The following SLX4 variants were observed in gnomAD, a reference collection of about 807,000 sequenced individuals.
SLX4 encodes the protein structure-specific endonuclease subunit SLX4.
SLX4 carries 112 observed loss-of-function variants against 146.2 expected under a neutral mutation model. The ratio of observed to expected loss-of-function variants is 0.77; its 90% confidence interval spans 0.66 to 0.90. SLX4 has a LOEUF of 0.90. Among genes scored for constraint, SLX4 ranks in the 40% least tolerant of loss-of-function variants. The pLI, the probability that SLX4 is intolerant of heterozygous loss-of-function variation, is 0.00. For missense variants in SLX4, 2,563 were observed against 2,392.7 expected (o/e 1.07, Z -1.49); for synonymous variants, 1,061 against 997.7 (o/e 1.06, Z -1.20).
intron 10 of SLX4, 94 bp from the exon 11 acceptor site, chr16:3,592,959 CTT>C: frequency 7.6e-7 from 1 of 1,310,822 alleles, no homozygotes; most frequent in South Asian, 1.5e-5. Flanking sequence ...AGTCACTAGT[CTT>C]TTTATTTTTC....
In SLX4 at chr16:3,596,208, C is replaced by CA; in HGVS notation, c.1868dup (p.Ser624GlufsTer57). On this transcript the variant is annotated frameshift_variant, in exon 8 of 15. Coordinates refer to ENST00000294008, the MANE Select transcript of SLX4 (RefSeq NM_032444.4). LOFTEE classifies it high-confidence loss of function. The stretch of plus-strand genomic sequence containing the variant: ...CACTGCCGGGCCACGGGCTGGCGCT[C>CA]AGTCCCTCCCTCGCCAGGTCCACGA... 6.4e-7 allele frequency: 1 copy of CA among 1,550,422 alleles called. No homozygotes were observed. The highest frequency in any genetic ancestry group is 2.4e-5 in the East Asian group (1 of 41,164).
intron 13 of SLX4, 52 bp from the exon 14 acceptor site, chr16:3,583,562 C>T (rs1399562299): frequency 3.1e-6 from 5 of 1,598,214 alleles, no homozygotes; most frequent in South Asian, 2.2e-5. Flanking sequence ...CTGGTCCACA[C>T]TCCACGTTCC....
At position 3,608,627 on chromosome 16, in the gene SLX4, G is replaced by C. The variant is rs2151139420; in HGVS notation, c.338C>G (p.Ser113Cys). Residue 113 changes from serine to cysteine, a missense_variant, in exon 2 of 15, where the codon TCT (serine) becomes TGT (cysteine). Ser to Cys is a moderately radical substitution (Grantham distance 112). Transcript: ENST00000294008. ...LQGPAEKKPP[S>C]GSQAPRTKKQ... Reference sequence around the variant, plus strand: ...TTTAGTCCTAGGGGCCTGGCTGCCAGACGGAGGTTTCTTCTCTGCAGGGCC... The same window carrying C: ...TTTAGTCCTAGGGGCCTGGCTGCCACACGGAGGTTTCTTCTCTGCAGGGCC... 1 of 1,614,202 alleles carries C rather than the reference G, an allele frequency of 6.2e-7. No individual in the cohort carries two copies. The highest frequency in any genetic ancestry group is 8.5e-7 in the Non-Finnish European group (1 of 1,180,032).
intron 9 of SLX4, among the ~76,000 whole-genome samples, 180 bp from the exon 10 acceptor site, chr16:3,594,779 T>C (rs1012722667): frequency 6.6e-6 from 1 of 152,176 alleles, no homozygotes; most frequent in Admixed American, 6.5e-5. Flanking sequence ...CCTAAGGCCC[T>C]GAGTAGCACA....
chr16:3,596,361 C>A lies in SLX4; in HGVS notation c.1716G>T (p.Val572=). Residue 572 remains valine (V), a synonymous_variant, in exon 8 of 15, where the codon GTG becomes GTT. Coordinates refer to ENST00000294008, the MANE Select transcript of SLX4 (RefSeq NM_032444.4). The stretch of plus-strand genomic sequence containing the variant: ...CGCTCAGCTCTGAGTGCTCAGGTGG[C>A]ACCAGAGGCGGCACGGGCTCCTGCA... The part of the protein sequence containing the change: ...GLMQEPVPPL[V]PPEHSELSER... 6.3e-7 allele frequency: 1 copy of A among 1,597,022 alleles called. No homozygotes were observed. Among genetic ancestry groups the A allele is most frequent in the Non-Finnish European group, 8.5e-7 (1 of 1,171,224 alleles).
At position 3,597,465 on chromosome 16, in the gene SLX4, C is replaced by T. The variant is rs200437227; in HGVS notation, c.1597G>A (p.Gly533Ser). 6.2e-7 allele frequency: 1 copy of T among 1,613,750 alleles called. No homozygotes were observed. The highest frequency in any genetic ancestry group is 8.5e-7 in the Non-Finnish European group (1 of 1,179,936). ...GCCCAGGCCCCAGTCAGTGCGCTGC[C>T]CTCCCACAGAAAGCTCTGCTTGCGT... is the stretch of plus-strand genomic sequence containing the variant. ...PERKQSFLWE[G>S]SALTGAWAME... is the part of the protein sequence containing the mutation. Residue 533 changes from glycine (G) to serine (S), a missense_variant, in exon 7 of 15, where the codon GGC (glycine) becomes AGC (serine). Transcript: ENST00000294008. This position sits in a 1 kb window ranked among gnomAD's most constrained non-coding sequence, Gnocchi z 4.4.
rs765119229 is a variant in SLX4 at position 3,590,512 on chromosome 16, G to A, written c.3126C>T (p.Gly1042=). The change falls in exon 12 of 15, where the codon GGC becomes GGT. Residue 1042 remains glycine, a synonymous_variant. Transcript: ENST00000294008. This position sits in a 1 kb window ranked among gnomAD's most constrained non-coding sequence, Gnocchi z 4.8. ...PCRFLLGPPQ[G]GSPRGSHHTS... ...TGTGATGAGACCCGCGGGGACTCCC[G>A]CCCTGGGGAGGCCCCAATAGGAAGC... 15 of 1,613,362 alleles carry A rather than the reference G, an allele frequency of 9.3e-6. No homozygotes were observed. The African/African-American group carries it at 1.6e-4, about 17-fold the overall frequency.
chr16:3,581,594 G>C lies in SLX4; in HGVS notation c.*748C>G, dbSNP rs1460723242. 6.5e-6 allele frequency: 1 copy of C among 152,956 alleles called. No homozygotes were observed. The highest frequency in any genetic ancestry group is 1.5e-5 in the Non-Finnish European group (1 of 68,374). 9.5% of individuals were successfully genotyped at this position (152,956 alleles called of 1,614,324 possible). A position where few individuals can be genotyped will look rare whatever the true frequency, so the allele number is the denominator to read the frequency against. On this transcript the variant is annotated 3_prime_UTR_variant, in exon 15 of 15. Transcript: ENST00000294008. ...CGGGCCCGGGCTGCCGGGGCAGGCT[G>C]GACCTGACGTCCATCTCAGGACAGA...
At chr16:3,582,810 C>G in intron 14 of SLX4, 117 bp from the exon 15 acceptor site, 1 of 1,005,168 alleles carries the variant, frequency 9.9e-7, no homozygotes, top group Non-Finnish European at 1.5e-6. Context: ...GCCTGTGGCA[C>G]GATCCCCAGC....
rs781308978 is a variant in SLX4, at chr16:3,582,351, C to T, written c.5496G>A (p.Glu1832=). The change falls in exon 15 of 15, where the codon GAG becomes GAA. Residue 1832 remains glutamate (E), a synonymous_variant. Transcript: ENST00000294008. ...RRQPRGKKKV[E]RN The stretch of plus-strand genomic sequence containing the variant: ...GGTCGGGATGGCCCCATCAGTTCCG[C>T]TCCACCTTCTTCTTGCCCCGAGGCT... 4 of 1,611,630 alleles carry T rather than the reference C, an allele frequency of 2.5e-6. No individual in the cohort carries two copies. The highest frequency in any genetic ancestry group is 2.7e-5 in the African/African-American group (2 of 74,900).
Position 3,597,738 on chromosome 16 carries a change from C to G in SLX4, c.1367-43G>C, listed in dbSNP as rs1194931471. ...CGACACCATCAACGGTGGAGTCGGTCCACTCACCCGGGACCTGCTGATGGC... is the reference window on the plus strand; with the variant it reads ...CGACACCATCAACGGTGGAGTCGGTGCACTCACCCGGGACCTGCTGATGGC... On this transcript the variant is annotated intron_variant, in intron 6 of 14. Transcript: ENST00000294008. This position sits in a 1 kb window ranked among gnomAD's most constrained non-coding sequence, Gnocchi z 4.4. 6.2e-7 allele frequency: 1 copy of G among 1,613,920 alleles called. No individual in the cohort carries two copies. Among genetic ancestry groups the G allele is most frequent in the African/African-American group, 1.3e-5 (1 of 74,918 alleles).
chr16:3,602,126 A>G lies in SLX4; in HGVS notation c.942T>C (p.His314=). 7.4e-6 allele frequency: 12 copies of G among 1,614,140 alleles called. No homozygotes were observed. Among genetic ancestry groups the G allele is most frequent in the South Asian group, 1.1e-5 (1 of 91,064 alleles). Residue 314 remains histidine (H), a synonymous_variant, in exon 4 of 15, where the codon CAT becomes CAC. Transcript: ENST00000294008. The part of the protein sequence containing the change: ...SAMNVTRREQ[H]VNRCLDEAEK... ...GCCCAAGCTGCCCCCACCTGTTCACATGCTGTTCCCTTCGGGTCACGTTCA... is the reference window on the plus strand; with the variant it reads ...GCCCAAGCTGCCCCCACCTGTTCACGTGCTGTTCCCTTCGGGTCACGTTCA...
At chr16:3,591,731 C>A (rs1466713104) in intron 11 of SLX4, among the ~76,000 whole-genome samples, 3 of 152,050 alleles carry the variant, frequency 2.0e-5, no homozygotes, top group African/African-American at 7.3e-5. Context: ...TGAGATCAGC[C>A]TGGACAACAT....
At chr16:3,610,317 G>C (rs948014562) in intron 1 of SLX4, among the ~76,000 whole-genome samples, 2 of 152,202 alleles carry the variant, frequency 1.3e-5, no homozygotes, top group Admixed American at 6.5e-5. Flanking sequence ...CCTTAGAGAA[G>C]TGTCCTCTAA....
At chr16:3,602,789 G>C (rs1422706154) in intron 3 of SLX4, among the ~76,000 whole-genome samples, 1 of 152,212 alleles carries the variant, frequency 6.6e-6, no homozygotes, top group African/African-American at 2.4e-5. Flanking sequence ...TACTGCCCAT[G>C]ATAAAACCAG....
Position 3,601,129 on chromosome 16 carries a change from A to G in SLX4, c.1013T>C (p.Ile338Thr). Residue 338 changes from isoleucine (I) to threonine (T), a missense_variant, in exon 5 of 15, where the codon ATT (isoleucine) becomes ACT (threonine). Coordinates refer to ENST00000294008, the MANE Select transcript of SLX4 (RefSeq NM_032444.4). ...TAAGGTAAGAAACGGTTTCCCACAA[A>G]TCGGGCACTCAGGGATCTGAGGCAC... ...PSVPQIPECP[I>T]CGKPFLTLKS... 6.2e-7 allele frequency: 1 copy of G among 1,614,094 alleles called. No individual in the cohort carries two copies. Among genetic ancestry groups the G allele is most frequent in the East Asian group, 2.2e-5 (1 of 44,876 alleles).
chr16:3,601,862 AAT>A, intron 4 of SLX4: 1 of 475,336 alleles, frequency 2.1e-6, no homozygotes, highest in Admixed American at 3.3e-5. Flanking sequence ...TGATGAAAAT[AAT>A]CCAGAAGTGA....
At position 3,590,370 on chromosome 16, in the gene SLX4, T is replaced by C; in HGVS notation, c.3268A>G (p.Thr1090Ala). The change falls in exon 12 of 15, where the codon ACG becomes GCG. Residue 1090 changes from threonine (T) to alanine (A), a missense_variant. Coordinates refer to ENST00000294008, the MANE Select transcript of SLX4 (RefSeq NM_032444.4). This position sits in a 1 kb window ranked among gnomAD's most constrained non-coding sequence, Gnocchi z 4.8. ...SKQKRDRSIL[T>A]LSKEPGHQKG... ...TGGTGCCCTGGCTCTTTAGACAGCG[T>C]GAGGATGCTCCTGTCCCTTTTCTGC... 6.2e-7 allele frequency: 1 copy of C among 1,614,206 alleles called. No individual in the cohort carries two copies. The highest frequency in any genetic ancestry group is 8.5e-7 in the Non-Finnish European group (1 of 1,180,030).
At position 3,589,133 on chromosome 16, in the gene SLX4, C is replaced by T; in HGVS notation, c.4505G>A (p.Arg1502Lys). The T allele has an allele frequency of 6.2e-7, 1 of 1,614,142 alleles. No homozygotes were observed. The highest frequency in any genetic ancestry group is 8.5e-7 in the Non-Finnish European group (1 of 1,180,004). Reference protein sequence around the residue: ...SSGAGSLGNSRPSFLNSALWD... With the variant: ...SSGAGSLGNSKPSFLNSALWD... Reference sequence around the variant, plus strand: ...CAGAGCCGAATTCAGAAAGCTCGGCCTGCTATTCCCCAGGGAGCCCGCGCC... The same window carrying T: ...CAGAGCCGAATTCAGAAAGCTCGGCTTGCTATTCCCCAGGGAGCCCGCGCC... Residue 1502 changes from arginine (R) to lysine (K), a missense_variant, in exon 12 of 15, where the codon AGG becomes AAG. Coordinates refer to ENST00000294008, the MANE Select transcript of SLX4 (RefSeq NM_032444.4). The surrounding 1 kb of genome is among the most constrained non-coding windows in gnomAD (Gnocchi z 6.2).
Sources: allele counts gnomAD v4.1 joint callset (sites outside exome capture counted in the v4.1 genomes callset), GRCh38; gene constraint gnomAD v4.1.1; non-coding constraint Gnocchi (gnomAD v3.1); transcripts MANE v1.5; gene names NCBI Gene and HGNC (gene_info 2026-07-23, HGNC 2026-07-21).